The following GALNT13 variants were observed in gnomAD, a reference collection of about 807,000 sequenced individuals.
GALNT13 encodes the protein polypeptide N-acetylgalactosaminyltransferase 13, also known as UDP-GalNAc:polypeptide N-acetylgalactosaminyltransferase 13.
GALNT13 carries 28 observed loss-of-function variants against 64.2 expected under a neutral mutation model. The ratio of observed to expected loss-of-function variants is 0.44; its 90% CI spans 0.32 to 0.60. The LOEUF (loss-of-function observed/expected upper bound fraction) is 0.60, where lower values mean the gene tolerates loss of function less well. GALNT13 is among the 20% of genes least tolerant of loss of function. GALNT13 has a pLI of 0.05. For missense variants in GALNT13, 577 were observed against 669.8 expected (o/e 0.86, Z 1.53); for synonymous variants, 214 against 224.6 (o/e 0.95, Z 0.42).
At chr2:153,357,493 T>C in the GALNT13 span, 1 of 152,228 alleles carries the variant, frequency 6.6e-6, no homozygotes, top group Non-Finnish European at 1.5e-5. Context: ...AAGTTCTACT[T>C]GCCTGTGTAC....
chr2:154,244,794 C>G (rs181809436), intron 6 of GALNT13, among the ~76,000 whole-genome samples: 25 of 152,222 alleles, frequency 1.6e-4, no homozygotes, highest in East Asian at 9.7e-4. Context: ...TAGAAAGCTA[C>G]CATTAAGAAC....
chr2:153,786,198 G>C, the GALNT13 span, among the ~76,000 whole-genome samples: 758 of 152,248 alleles, frequency 5.0e-3, 5 homozygotes, highest in Non-Finnish European at 9.2e-3. Flanking sequence ...TCTCTGAAGA[G>C]GAAACCCAGA....
chr2:154,300,162 G>A (rs1439574647), intron 8 of GALNT13, among the ~76,000 whole-genome samples: 3 of 147,808 alleles, frequency 2.0e-5, no homozygotes, highest in Non-Finnish European at 3.0e-5. Flanking sequence ...GTGCAATGGC[G>A]CGTGATCTCG....
chr2:153,970,364 C>T (rs775332896), intron 3 of GALNT13, among the ~76,000 whole-genome samples: 8 of 152,294 alleles, frequency 5.3e-5, no homozygotes, highest in Non-Finnish European at 1.0e-4. Context: ...GTCTTAGAGG[C>T]TGTCACACCC....
At chr2:153,772,468 T>C in the GALNT13 span, among the ~76,000 whole-genome samples, 2 of 152,172 alleles carry the variant, frequency 1.3e-5, no homozygotes, top group Non-Finnish European at 2.9e-5. Context: ...CTCTCACTTT[T>C]ATCAGCTGAA....
chr2:154,295,676 A>G (rs1177969474), intron 8 of GALNT13, among the ~76,000 whole-genome samples: 5 of 152,088 alleles, frequency 3.3e-5, no homozygotes, highest in Non-Finnish European at 7.4e-5. Flanking sequence ...CCCAGCCATT[A>G]GAGAAAGCTC....
At chr2:154,286,122 A>T (rs1050102232) in intron 8 of GALNT13, among the ~76,000 whole-genome samples, 1 of 152,196 alleles carries the variant, frequency 6.6e-6, no homozygotes, top group Non-Finnish European at 1.5e-5. Flanking sequence ...AGATCGTGTC[A>T]TCAGCAAACA....
intron 1 of GALNT13, among the ~76,000 whole-genome samples, chr2:153,896,092 TTTTC>T (rs1687873199): frequency 6.8e-6 from 1 of 147,572 alleles, no homozygotes; most frequent in Non-Finnish European, 1.5e-5. Context: ...TTTTTATGTT[TTTTC>T]CTAAATTAAA....
intron 11 of GALNT13, among the ~76,000 whole-genome samples, chr2:154,417,092 C>T (rs1700041991): frequency 6.6e-6 from 1 of 152,008 alleles, no homozygotes; most frequent in Non-Finnish European, 1.5e-5. Flanking sequence ...TCTATTTCTT[C>T]TTTTCTTCCA....
At chr2:154,304,342 A>G (rs1304789468) in intron 9 of GALNT13, among the ~76,000 whole-genome samples, 1 of 152,238 alleles carries the variant, frequency 6.6e-6, no homozygotes, top group African/African-American at 2.4e-5. Flanking sequence ...AGGCAGTGAC[A>G]TTTATATAAC....
At chr2:153,826,241 G>A in the GALNT13 span, among the ~76,000 whole-genome samples, 1 of 152,104 alleles carries the variant, frequency 6.6e-6, no homozygotes, top group East Asian at 1.9e-4. Context: ...AGTCTCTCAA[G>A]CCTCTCTTCC....
At chr2:154,005,405 A>G (rs1696175591) in intron 3 of GALNT13, among the ~76,000 whole-genome samples, 1 of 152,112 alleles carries the variant, frequency 6.6e-6, no homozygotes, top group Non-Finnish European at 1.5e-5. Context: ...CCACTATGAT[A>G]TTTTTTAAAT....
intron 3 of GALNT13, among the ~76,000 whole-genome samples, chr2:154,034,898 A>C (rs1007228307): frequency 6.6e-6 from 1 of 152,188 alleles, no homozygotes; most frequent in African/African-American, 2.4e-5. Context: ...TATTATTAAA[A>C]AGTCAAAAAA....
chr2:154,376,767 C>T (rs951893109), intron 9 of GALNT13, among the ~76,000 whole-genome samples: 1 of 151,940 alleles, frequency 6.6e-6, no homozygotes, highest in Non-Finnish European at 1.5e-5. Flanking sequence ...CAGTATTATT[C>T]GTGGATTTTC....
chr2:153,647,097 C>T, the GALNT13 span, among the ~76,000 whole-genome samples: 1 of 152,128 alleles, frequency 6.6e-6, no homozygotes, highest in Non-Finnish European at 1.5e-5. Flanking sequence ...AAAAGTGTTC[C>T]TATTTCTCCA....
intron 9 of GALNT13, among the ~76,000 whole-genome samples, chr2:154,351,662 G>A (rs1342063180): frequency 9.0e-6 from 1 of 110,962 alleles, no homozygotes; most frequent in Admixed American, 1.4e-4. Flanking sequence ...CAGCCTGGGC[G>A]ACAAAGCGAG....
At chr2:154,284,053 A>C (rs1481638675) in intron 8 of GALNT13, among the ~76,000 whole-genome samples, 2 of 152,210 alleles carry the variant, frequency 1.3e-5, no homozygotes, top group East Asian at 3.8e-4. Flanking sequence ...AGATCTGTGT[A>C]TACATTATAG....
chr2:153,764,596 T>C, the GALNT13 span, among the ~76,000 whole-genome samples: 2 of 152,036 alleles, frequency 1.3e-5, no homozygotes, highest in Non-Finnish European at 2.9e-5. Flanking sequence ...GATGATGTGA[T>C]AGAAAAGAAA....
the GALNT13 span, among the ~76,000 whole-genome samples, chr2:153,641,743 A>T: frequency 6.6e-6 from 1 of 152,094 alleles, no homozygotes; most frequent in African/African-American, 2.4e-5. Context: ...AAAATATTTT[A>T]ATTTTCTTTA....
Sources: gnomAD v4.1 joint callset for allele counts (sites outside exome capture counted in the v4.1 genomes callset) on GRCh38, gnomAD v4.1.1 for gene constraint, MANE v1.5 for transcripts, NCBI Gene and HGNC (gene_info 2026-07-23, HGNC 2026-07-21) for gene names.